Variants in MED24 observed in about 807,000 individuals in gnomAD.
The protein encoded by MED24 is mediator complex subunit 24.
MED24 carries 74 observed loss-of-function variants against 118.8 expected under a neutral mutation model. The observed-to-expected ratio is 0.62, with a 90% CI of 0.52 to 0.76. The LOEUF (loss-of-function observed/expected upper bound fraction) is 0.76. MED24 is among the 30% of genes least tolerant of loss of function. The pLI, the probability that MED24 is intolerant of heterozygous loss-of-function variation, is 0.00. For synonymous variants in MED24, 521 were observed against 523.9 expected (o/e 0.99, Z 0.08); for missense variants, 1,041 against 1,278.9 (o/e 0.81, Z 2.84).
intron 14 of MED24, 81 bp from the exon 15 acceptor site, chr17:40,028,027 G>A (rs893125280): frequency 1.4e-6 from 2 of 1,384,942 alleles, no homozygotes; most frequent in African/African-American, 1.4e-5. Flanking sequence ...CATGTTCAGA[G>A]AGCGATAGCT....
chr17:40,033,710 C>A lies in MED24; in HGVS notation c.560-254G>T. ...TCCAGGGGACACAGCCAGCTGACTTCAGAAGGTATGGCATCACACAGGCTC... is the reference window on the plus strand; with the variant it reads ...TCCAGGGGACACAGCCAGCTGACTTAAGAAGGTATGGCATCACACAGGCTC... On this transcript the variant is annotated intron_variant, in intron 6 of 25. Coordinates refer to ENST00000394128, the MANE Select transcript of MED24 (RefSeq NM_014815.4). This position sits in a 1 kb window ranked among gnomAD's most constrained non-coding sequence, Gnocchi z 5.2. 1 of 625,512 alleles carries A rather than the reference C, an allele frequency of 1.6e-6. No homozygotes were observed. The highest frequency in any genetic ancestry group is 3.3e-5 in the East Asian group (1 of 30,034). The allele number at this position is 625,512 out of a possible 1,614,324, so 38.7% of individuals were successfully genotyped here.
At chr17:40,036,197 C>G (rs368229554) in intron 3 of MED24, 43 bp from the exon 4 acceptor site, 1 of 1,573,358 alleles carries the variant, frequency 6.4e-7, no homozygotes, top group African/African-American at 1.4e-5. Flanking sequence ...AACTAGTCTC[C>G]CACAGTTGAG....
At chr17:40,022,546 G>C in intron 21 of MED24, 62 bp from the exon 22 acceptor site, 2 of 1,595,032 alleles carry the variant, frequency 1.3e-6, no homozygotes, top group Non-Finnish European at 1.7e-6. Flanking sequence ...TTCTGTGTCT[G>C]ACTGGGCTCC....
intron 24 of MED24, 121 bp from the exon 25 acceptor site, chr17:40,020,054 G>A: frequency 2.4e-6 from 3 of 1,274,548 alleles, no homozygotes; most frequent in Non-Finnish European, 3.3e-6. Context: ...TCCCCAAAAT[G>A]GGGTGTCAGA....
intron 19 of MED24, 52 bp downstream of exon 19, chr17:40,026,104 G>A: frequency 6.4e-7 from 1 of 1,557,886 alleles, no homozygotes; most frequent in Non-Finnish European, 8.8e-7. Flanking sequence ...TGGATGTGCT[G>A]ACTTCTCACA....
chr17:40,033,814 G>A lies in MED24; in HGVS notation c.560-358C>T, dbSNP rs763060022. On this transcript the variant is annotated intron_variant, in intron 6 of 25. Coordinates refer to ENST00000394128, the MANE Select transcript of MED24 (RefSeq NM_014815.4). The surrounding 1 kb of genome is among the most constrained non-coding windows in gnomAD (Gnocchi z 5.2). ...GCCACAAATCACTCGAGGAGTGAGC[G>A]GATCCCAAAGTCCAGTCTTGCAGAG... The A allele has an allele frequency of 3.2e-5, 15 of 472,922 alleles. 1 individual carries two copies. The highest frequency in any genetic ancestry group is 3.2e-4 in the Middle Eastern group (1 of 3,142). The allele number at this position is 472,922 out of a possible 1,614,324, so 29.3% of individuals were successfully genotyped here.
At chr17:40,039,942 C>G (rs1441364752) in intron 3 of MED24, among the ~76,000 whole-genome samples, 1 of 151,630 alleles carries the variant, frequency 6.6e-6, no homozygotes, top group African/African-American at 2.4e-5. Flanking sequence ...CACCACCACG[C>G]CCGGCTAATT....
At chr17:40,053,952 G>T (rs1986094386) in intron 1 of MED24, 2 of 464,998 alleles carry the variant, frequency 4.3e-6, no homozygotes, top group Non-Finnish European at 7.7e-6. Context: ...CCAACATGGA[G>T]AAACCTCGTC....
chr17:40,028,777 C>T (rs752506665), intron 14 of MED24, 49 bp downstream of exon 14: 30 of 1,604,476 alleles, frequency 1.9e-5, no homozygotes, highest in Admixed American at 5.0e-5. Context: ...CTCCTCCCAA[C>T]GCGCAGCCTC....
Position 40,022,864 on chromosome 17 carries a change from G to T in MED24, c.2251-38C>A, listed in dbSNP as rs750498152. The T allele has an allele frequency of 5.6e-6, 9 of 1,603,060 alleles. No homozygotes were observed. In the Admixed American group the frequency reaches 1.5e-4, roughly 27 times the overall value. On this transcript the variant is annotated intron_variant, in intron 20 of 25. Coordinates refer to ENST00000394128, the MANE Select transcript of MED24 (RefSeq NM_014815.4). Reference sequence around the variant, plus strand: ...AAAGGGGGCAGTTCAGGAGCCAGGGGCCCGGGATCTGGGGCTCCTACACCC... The same window carrying T: ...AAAGGGGGCAGTTCAGGAGCCAGGGTCCCGGGATCTGGGGCTCCTACACCC...
rs574338859 is a variant in MED24, at chr17:40,048,324, A to G, written c.213+4974T>C. 4.6e-5 allele frequency among the ~76,000 whole-genome samples: 7 copies of G among 152,302 alleles called. No homozygotes were observed. In the South Asian group the frequency reaches 1.4e-3, roughly 32 times the overall value. Reference sequence around the variant, plus strand: ...AAGTCAAAATTATTTTTAAAATACTACTAAGATACTGTTTACCTTTTTGCT... The same window carrying G: ...AAGTCAAAATTATTTTTAAAATACTGCTAAGATACTGTTTACCTTTTTGCT... On this transcript the variant is annotated intron_variant, in intron 3 of 25. Transcript: ENST00000394128.
In MED24 at chr17:40,033,460, G is replaced by A. The variant is rs146712494; in HGVS notation, c.560-4C>T. On this transcript the variant is annotated splice_region_variant and splice_polypyrimidine_tract_variant and intron_variant, in intron 6 of 25. Coordinates refer to ENST00000394128, the MANE Select transcript of MED24 (RefSeq NM_014815.4). The surrounding 1 kb of genome is among the most constrained non-coding windows in gnomAD (Gnocchi z 5.2). The stretch of plus-strand genomic sequence containing the variant: ...TGCTCGATGGCAGTCCAAGAAGCTG[G>A]CAGAGGGAAGGAAGTACAGAAACAT... 2.5e-5 allele frequency: 39 copies of A among 1,573,924 alleles called. No homozygotes were observed. Among genetic ancestry groups the A allele is most frequent in the Middle Eastern group, 1.7e-4 (1 of 6,016 alleles).
rs374328635 is a variant in MED24, at chr17:40,027,981, G to T, written c.1410-35C>A. 9.3e-6 allele frequency: 15 copies of T among 1,610,902 alleles called. No individual in the cohort carries two copies. The South Asian group carries it at 1.2e-4, about 13-fold the overall frequency. On this transcript the variant is annotated intron_variant, in intron 14 of 25. Coordinates refer to ENST00000394128, the MANE Select transcript of MED24 (RefSeq NM_014815.4). ...ATGGAGACAGGCTGCATTGACCAGGGCATGAGCTGAGCAGTAGCTGGGCGC... is the reference window on the plus strand; with the variant it reads ...ATGGAGACAGGCTGCATTGACCAGGTCATGAGCTGAGCAGTAGCTGGGCGC...
chr17:40,038,533 A>G (rs1006282429), intron 3 of MED24, among the ~76,000 whole-genome samples: 20 of 152,054 alleles, frequency 1.3e-4, no homozygotes, highest in African/African-American at 4.3e-4. Context: ...CAACATGGTG[A>G]AACCCCGTCT....
intron 3 of MED24, among the ~76,000 whole-genome samples, chr17:40,040,283 T>C (rs1984419360): frequency 6.6e-6 from 1 of 152,076 alleles, no homozygotes; most frequent in Non-Finnish European, 1.5e-5. Context: ...TTCACTCTGT[T>C]GGCCAGGCTG....
At chr17:40,022,913 G>T in intron 20 of MED24, 87 bp from the exon 21 acceptor site, 1 of 1,497,222 alleles carries the variant, frequency 6.7e-7, no homozygotes, top group Non-Finnish European at 9.0e-7. Context: ...TGGCTGTCCA[G>T]TAAGGCCCGC....
At chr17:40,025,922 G>C (rs1000295672) in intron 19 of MED24, among the ~76,000 whole-genome samples, 2 of 151,946 alleles carry the variant, frequency 1.3e-5, no homozygotes, top group African/African-American at 2.4e-5. Flanking sequence ...GGCAGACCCT[G>C]TTTAGGGTCT....
In MED24 at chr17:40,025,032, G is replaced by C. The variant is rs372717500; in HGVS notation, c.1985+1124C>G. ...ATTGCAGGCGTGAGCCACCACGCCCGGCCCACAACAGAGTATTATTCAGCC... is the reference window on the plus strand; with the variant it reads ...ATTGCAGGCGTGAGCCACCACGCCCCGCCCACAACAGAGTATTATTCAGCC... On this transcript the variant is annotated intron_variant, in intron 19 of 25. Transcript: ENST00000394128. Among the ~76,000 whole-genome samples the C allele has an allele frequency of 2.6e-5, 4 of 152,242 alleles. No homozygotes were observed. The East Asian group carries it at 7.7e-4, about 29-fold the overall frequency.
Position 40,027,435 on chromosome 17 carries a change from A to T in MED24, c.1478T>A (p.Phe493Tyr), listed in dbSNP as rs1326502555. Reference protein sequence around the residue: ...TKPASVRALLFDISFLMLCHV... With the variant: ...TKPASVRALLYDISFLMLCHV... The stretch of plus-strand genomic sequence containing the variant: ...GCACAGCATGAGGAAGGAGATGTCA[A>T]ACAGCAGGGCCCGGACGGAGGCCGG... The change falls in exon 16 of 26, where the codon TTT becomes TAT. Residue 493 changes from phenylalanine to tyrosine, a missense_variant. By Grantham distance (22) the Phe-to-Tyr change is conservative (BLOSUM62 3). Around this residue, in one of 3 missense-constraint regions of MED24, gnomAD observed 587 missense variants for 694.4 expected, o/e 0.85. Coordinates refer to ENST00000394128, the MANE Select transcript of MED24 (RefSeq NM_014815.4). 1.2e-6 allele frequency: 2 copies of T among 1,613,494 alleles called. No individual in the cohort carries two copies. Among genetic ancestry groups the T allele is most frequent in the Non-Finnish European group, 1.7e-6 (2 of 1,179,754 alleles).
Sources: gnomAD v4.1 joint callset for allele counts (sites outside exome capture counted in the v4.1 genomes callset) on GRCh38, gnomAD v4.1.1 for gene constraint, gnomAD v4.1.1 regional missense constraint, Gnocchi (gnomAD v3.1) non-coding constraint, MANE v1.5 for transcripts, NCBI Gene and HGNC (gene_info 2026-07-23, HGNC 2026-07-21) for gene names.